WDR27: variants seen among roughly 807,000 people sequenced by gnomAD.
WDR27 encodes WD repeat-containing protein 27.
Under a neutral mutation model 114.4 loss-of-function variants are expected in WDR27, and 100 were observed. The observed-to-expected ratio is 0.87, with a 90% CI of 0.74 to 1.03. The LOEUF (loss-of-function observed/expected upper bound fraction) is 1.03. Among genes scored for constraint, WDR27 ranks in the 50% least tolerant of loss-of-function variants. The pLI is 0.00. For missense variants in WDR27, 1,129 were observed against 1,092.9 expected, an observed-to-expected ratio of 1.03 and a Z score of -0.47; for synonymous variants, 449 against 423.1, an observed-to-expected ratio of 1.06 and a Z score of -0.75.
intron 22 of WDR27, among the ~76,000 whole-genome samples, chr6:169,603,613 A>C (rs964671671): frequency 2.0e-5 from 3 of 152,194 alleles, no homozygotes; most frequent in Non-Finnish European, 2.9e-5. Context: ...CACCATGAAC[A>C]TTTCCCTCAC....
chr6:169,614,117 G>A (rs1270215274), intron 21 of WDR27, among the ~76,000 whole-genome samples: 5 of 152,066 alleles, frequency 3.3e-5, no homozygotes, highest in Admixed American at 1.3e-4. Flanking sequence ...ACGGGGCCTC[G>A]AGTCCCGGCC....
At chr6:169,636,329 TC>T (rs1817649923) in intron 19 of WDR27, 41 bp downstream of exon 19, 1 of 1,597,454 alleles carries the variant, frequency 6.3e-7, no homozygotes, top group South Asian at 1.1e-5. Context: ...TGAAACAGCT[TC>T]CTGTGATCTA....
At chr6:169,507,266 T>C (rs1465245713) in intron 25 of WDR27, among the ~76,000 whole-genome samples, 1 of 152,174 alleles carries the variant, frequency 6.6e-6, no homozygotes, top group East Asian at 1.9e-4. Flanking sequence ...ACCTGACTTA[T>C]TGAAAGGAGT....
At chr6:169,510,213 G>C (rs2115525811) in intron 25 of WDR27, among the ~76,000 whole-genome samples, 1 of 152,334 alleles carries the variant, frequency 6.6e-6, no homozygotes, top group Middle Eastern at 3.4e-3. Context: ...CATTGTGGAA[G>C]TTGGCGTGGC....
At chr6:169,682,345 C>T (rs1781759176) in intron 2 of WDR27, among the ~76,000 whole-genome samples, 1 of 152,204 alleles carries the variant, frequency 6.6e-6, no homozygotes, top group African/African-American at 2.4e-5. Flanking sequence ...GGGTGACACA[C>T]CTGTCTGGGC....
chr6:169,563,657 C>G (rs12525256), intron 25 of WDR27, among the ~76,000 whole-genome samples: 11,834 of 152,268 alleles, frequency 0.078, 803 homozygotes, highest in South Asian at 0.28. Flanking sequence ...GCTTCAACAT[C>G]ATTAAGATAT....
chr6:169,651,362 C>T (rs899895135), intron 14 of WDR27, among the ~76,000 whole-genome samples: 1 of 151,854 alleles, frequency 6.6e-6, no homozygotes. Flanking sequence ...AGGTAGGAGG[C>T]GGGGGATATG....
At chr6:169,658,466 G>GTGTT in intron 12 of WDR27, 108 bp from the exon 13 acceptor site, 1 of 798,288 alleles carries the variant, frequency 1.3e-6, no homozygotes, top group Non-Finnish European at 2.1e-6. Flanking sequence ...GATTCCTGCA[G>GTGTT]CTGTGGACAT....
intron 23 of WDR27, among the ~76,000 whole-genome samples, chr6:169,591,480 C>T (rs1360937327): frequency 6.6e-5 from 10 of 152,112 alleles, no homozygotes; most frequent in African/African-American, 1.2e-4. Context: ...AAATACAGTC[C>T]GAACAGGAAA....
rs138489882 is a variant in WDR27 at position 169,550,574 on chromosome 6, C to T, written c.2645+21845G>A. ...AGCTAGGACTACAGGCATGTGCCACCATACTCAGGCTAGTTTTTGTATTTT... is the reference window on the plus strand; with the variant it reads ...AGCTAGGACTACAGGCATGTGCCACTATACTCAGGCTAGTTTTTGTATTTT... On this transcript the variant is annotated intron_variant, in intron 25 of 25. Transcript: ENST00000448612. Among the ~76,000 whole-genome samples, 1,141 of 152,064 alleles carry T rather than the reference C, an allele frequency of 7.5e-3. 5 individuals carry two copies. Among genetic ancestry groups the T allele is most frequent in the Non-Finnish European group, 0.013 (900 of 68,006 alleles).
intron 8 of WDR27, chr6:169,663,785 T>G (rs528437565): frequency 1.0e-5 from 2 of 198,290 alleles, no homozygotes; most frequent in South Asian, 2.5e-4. Flanking sequence ...ACAGGCCAGG[T>G]GGGGACGTGG....
intron 25 of WDR27, among the ~76,000 whole-genome samples, chr6:169,459,832 A>C (rs923094346): frequency 6.6e-5 from 10 of 151,958 alleles, no homozygotes; most frequent in African/African-American, 2.4e-4. Flanking sequence ...CCCCCAAAAA[A>C]CTCTCAACCA....
At chr6:169,571,485 T>C (rs2128127508) in intron 25 of WDR27, among the ~76,000 whole-genome samples, 1 of 152,310 alleles carries the variant, frequency 6.6e-6, no homozygotes, top group East Asian at 1.9e-4. Context: ...AGCCATGCTA[T>C]CCTGGCATAA....
At chr6:169,692,922 T>C (rs1784876002) in intron 1 of WDR27, among the ~76,000 whole-genome samples, 1 of 152,152 alleles carries the variant, frequency 6.6e-6, no homozygotes, top group Admixed American at 6.5e-5. Flanking sequence ...GAAACCAGAA[T>C]GCCTCCCCTC....
At chr6:169,683,383 C>T (rs190939433) in intron 2 of WDR27, among the ~76,000 whole-genome samples, 360 of 151,960 alleles carry the variant, frequency 2.4e-3, no homozygotes, top group Middle Eastern at 0.02. Flanking sequence ...ACCTTACAGG[C>T]AAGAAGTGAG....
intron 25 of WDR27, among the ~76,000 whole-genome samples, chr6:169,478,155 T>A (rs1317455560): frequency 6.6e-6 from 1 of 151,510 alleles, no homozygotes; most frequent in East Asian, 1.9e-4. Flanking sequence ...AAGAGATCTC[T>A]CTGGGTGGGG....
intron 8 of WDR27, 71 bp downstream of exon 8, chr6:169,664,095 G>A (rs1585014175): frequency 7.2e-7 from 1 of 1,381,558 alleles, no homozygotes; most frequent in Non-Finnish European, 9.8e-7. Flanking sequence ...GTGACCTAGG[G>A]CCCTTGACAT....
intron 23 of WDR27, among the ~76,000 whole-genome samples, chr6:169,600,611 G>A (rs539964141): frequency 6.1e-4 from 93 of 152,242 alleles, no homozygotes; most frequent in African/African-American, 2.2e-3. Flanking sequence ...ATGCAGAGAA[G>A]TCCTTAAAGG....
chr6:169,478,101 G>C (rs1485166075), intron 25 of WDR27, among the ~76,000 whole-genome samples: 1 of 151,972 alleles, frequency 6.6e-6, no homozygotes, highest in East Asian at 1.9e-4. Context: ...GTCAAGCCAG[G>C]GTCAGCCAGT....
Sources: gnomAD v4.1 joint callset for allele counts (sites outside exome capture counted in the v4.1 genomes callset) on GRCh38, gnomAD v4.1.1 for gene constraint, MANE v1.5 for transcripts, NCBI Gene and HGNC (gene_info 2026-07-23, HGNC 2026-07-21) for gene names.